HSPA12A: variants seen among roughly 807,000 people sequenced by gnomAD.
HSPA12A encodes heat shock 70 kDa protein 12A.
Under a neutral mutation model 69.2 loss-of-function variants are expected in HSPA12A, and 28 were observed. The ratio of observed to expected loss-of-function variants is 0.40; its 90% CI spans 0.30 to 0.55. HSPA12A has a LOEUF of 0.55. Ranked by LOEUF, HSPA12A falls within the 20% of genes least tolerant of loss-of-function variation. The pLI is 0.38. For missense variants in HSPA12A, 686 were observed against 900.7 expected, an observed-to-expected ratio of 0.76 and a Z score of 3.05; for synonymous variants, 345 against 370.5, an observed-to-expected ratio of 0.93 and a Z score of 0.79.
intron 2 of HSPA12A, among the ~76,000 whole-genome samples, chr10:116,797,838 C>T (rs1457389978): frequency 6.6e-6 from 1 of 152,092 alleles, no homozygotes; most frequent in Admixed American, 6.5e-5. Flanking sequence ...AACGGAAGCA[C>T]TGAGGAAGGG....
chr10:116,733,981 C>T (rs1269873723), intron 1 of HSPA12A, among the ~76,000 whole-genome samples: 1 of 152,170 alleles, frequency 6.6e-6, no homozygotes, highest in Non-Finnish European at 1.5e-5. Flanking sequence ...CAAACCCATA[C>T]ACTAAAAATA....
chr10:116,782,733 G>A (rs890294847), intron 2 of HSPA12A, among the ~76,000 whole-genome samples: 1 of 152,192 alleles, frequency 6.6e-6, no homozygotes, highest in African/African-American at 2.4e-5. Context: ...GCTATTCAGG[G>A]TAGGGGCTGC....
intron 2 of HSPA12A, among the ~76,000 whole-genome samples, chr10:116,834,122 CACCTGGCTGAGTTGGAAA>C (rs1845668694): frequency 6.6e-6 from 1 of 152,186 alleles, no homozygotes; most frequent in Non-Finnish European, 1.5e-5. Flanking sequence ...ATTCAGCAAA[CACCTGGCTGAGTTGGAAA>C]ACATGACCAG....
At chr10:116,757,985 T>C (rs945831867) in intron 2 of HSPA12A, among the ~76,000 whole-genome samples, 18 of 152,216 alleles carry the variant, frequency 1.2e-4, no homozygotes, top group East Asian at 1.9e-4. Flanking sequence ...CATAGTAAGA[T>C]GACAAGTGAC....
chr10:116,801,166 C>A (rs1167876520), intron 2 of HSPA12A, among the ~76,000 whole-genome samples: 1 of 152,188 alleles, frequency 6.6e-6, no homozygotes, highest in African/African-American at 2.4e-5. Flanking sequence ...CTGGGCCTTT[C>A]ATCCAGAACA....
At chr10:116,850,293 G>A (rs1846038480), upstream of HSPA12A, 1 of 166,714 alleles carries the variant, frequency 6.0e-6, no homozygotes, top group Non-Finnish European at 1.3e-5. Flanking sequence ...ACGTAGCCCT[G>A]GACCAACCGT....
intron 1 of HSPA12A, among the ~76,000 whole-genome samples, chr10:116,727,300 A>G (rs764831094): frequency 2.6e-5 from 4 of 152,156 alleles, no homozygotes; most frequent in Non-Finnish European, 5.9e-5. Flanking sequence ...AGGCTCATTC[A>G]TGTCCATGTT....
chr10:116,837,330 G>A (rs577103019), intron 1 of HSPA12A, among the ~76,000 whole-genome samples: 93 of 152,268 alleles, frequency 6.1e-4, no homozygotes, highest in South Asian at 1.2e-3. Flanking sequence ...GGCCACTTAC[G>A]ACACGCCATG....
chr10:116,675,533 C>T lies in HSPA12A; in HGVS notation c.1391-115G>A. On this transcript the variant is annotated intron_variant, in intron 11 of 11. Coordinates refer to ENST00000369209, the MANE Select transcript of HSPA12A (RefSeq NM_025015.3). This position sits in a 1 kb window ranked among gnomAD's most constrained non-coding sequence, Gnocchi z 5.2. Reference sequence around the variant, plus strand: ...AAAGCCACTTGGGCCACTGGGAGGGCAGGCTTACTCTGAGCTCCTTGAACA... The same window carrying T: ...AAAGCCACTTGGGCCACTGGGAGGGTAGGCTTACTCTGAGCTCCTTGAACA... The T allele has an allele frequency of 9.2e-7, 1 of 1,083,578 alleles. No individual in the cohort carries two copies. The highest frequency in any genetic ancestry group is 1.3e-6 in the Non-Finnish European group (1 of 766,630). 67.1% of individuals were successfully genotyped at this position (1,083,578 alleles called of 1,614,324 possible). A position where few individuals can be genotyped will look rare whatever the true frequency, so the allele number is the denominator to read the frequency against.
intron 6 of HSPA12A, among the ~76,000 whole-genome samples, chr10:116,687,088 A>G (rs1453458772): frequency 6.6e-6 from 1 of 152,148 alleles, no homozygotes; most frequent in Non-Finnish European, 1.5e-5. Flanking sequence ...AATCCAGCAG[A>G]ACTGTCCCCC....
At chr10:116,684,317 T>C (rs1849513273) in intron 6 of HSPA12A, among the ~76,000 whole-genome samples, 2 of 152,254 alleles carry the variant, frequency 1.3e-5, no homozygotes, top group Non-Finnish European at 2.9e-5. Flanking sequence ...CGGGCTTCCA[T>C]GCTCCAGTGG....
intron 2 of HSPA12A, 48 bp downstream of exon 2, chr10:116,707,152 C>T (rs782023785): frequency 7.1e-5 from 18 of 252,718 alleles, no homozygotes; most frequent in East Asian, 3.1e-4. Context: ...CACCCATGCG[C>T]GCACACACAC....
intron 1 of HSPA12A, among the ~76,000 whole-genome samples, chr10:116,739,427 A>C (rs1377537618): frequency 6.6e-6 from 1 of 152,180 alleles, no homozygotes; most frequent in Non-Finnish European, 1.5e-5. Context: ...CCAGGATGGC[A>C]TCTCCAAAGC....
intron 2 of HSPA12A, among the ~76,000 whole-genome samples, chr10:116,824,594 C>A (rs1041664504): frequency 6.6e-6 from 1 of 152,206 alleles, no homozygotes; most frequent in Non-Finnish European, 1.5e-5. Flanking sequence ...TGGTTGGGCT[C>A]AGTGGCTCAC....
upstream of HSPA12A, among the ~76,000 whole-genome samples, chr10:116,745,969 C>A (rs960161095): frequency 1.3e-5 from 2 of 152,182 alleles, no homozygotes. Flanking sequence ...GTCTCTCCAG[C>A]TTCAGGTCAC....
chr10:116,704,524 T>C (rs988571364), intron 3 of HSPA12A, among the ~76,000 whole-genome samples: 12 of 152,058 alleles, frequency 7.9e-5, no homozygotes, highest in Admixed American at 4.6e-4. Flanking sequence ...GACGAGTTAA[T>C]GGGTGCAGCA....
chr10:116,729,914 G>A (rs1021955749), intron 1 of HSPA12A, among the ~76,000 whole-genome samples: 1 of 152,232 alleles, frequency 6.6e-6, no homozygotes, highest in Non-Finnish European at 1.5e-5. Context: ...TGTGTGCCCA[G>A]TGGGTGTTTT....
chr10:116,831,897 T>C (rs532078557), intron 2 of HSPA12A: 2 of 152,326 alleles, frequency 1.3e-5, no homozygotes, highest in African/African-American at 4.8e-5. Flanking sequence ...GCATGACAAC[T>C]GTTCACCCTC....
upstream of HSPA12A, among the ~76,000 whole-genome samples, chr10:116,745,322 A>T (rs915575213): frequency 6.6e-6 from 1 of 152,204 alleles, no homozygotes; most frequent in African/African-American, 2.4e-5. Context: ...CCCAGGGCTC[A>T]TGCCTTTCCA....
Sources: gnomAD v4.1 joint callset for allele counts (sites outside exome capture counted in the v4.1 genomes callset) on GRCh38, gnomAD v4.1.1 for gene constraint, Gnocchi (gnomAD v3.1) non-coding constraint, MANE v1.5 for transcripts, NCBI Gene and HGNC (gene_info 2026-07-23, HGNC 2026-07-21) for gene names.